Variants in DOCK10 observed in about 807,000 individuals in gnomAD.
The protein encoded by DOCK10 is dedicator of cytokinesis protein 10.
A neutral mutation model predicts 280.1 loss-of-function variants in DOCK10; 145 were observed. The ratio of observed to expected loss-of-function variants is 0.52; its 90% CI spans 0.45 to 0.59. The LOEUF (loss-of-function observed/expected upper bound fraction) is 0.59, where lower values mean the gene tolerates loss of function less well. Ranked by LOEUF, DOCK10 falls within the 20% of genes least tolerant of loss-of-function variation. DOCK10 has a pLI of 0.00. For synonymous variants in DOCK10, 915 were observed against 942.2 expected (o/e 0.97, Z 0.53); for missense variants, 2,368 against 2,651.7 (o/e 0.89, Z 2.35).
intron 47 of DOCK10, among the ~76,000 whole-genome samples, chr2:224,791,449 G>A (rs1439457883): frequency 6.6e-6 from 1 of 151,310 alleles, no homozygotes; most frequent in Non-Finnish European, 1.5e-5. Context: ...AGTTTGCTTT[G>A]GTCATTTGGT....
chr2:224,884,585 T>C (rs1358934590), intron 7 of DOCK10, among the ~76,000 whole-genome samples: 1 of 152,238 alleles, frequency 6.6e-6, no homozygotes, highest in Non-Finnish European at 1.5e-5. Context: ...GGAATTATTC[T>C]GCTTCCCTTT....
At chr2:224,817,484 A>G (rs1694203315) in intron 29 of DOCK10, among the ~76,000 whole-genome samples, 1 of 152,250 alleles carries the variant, frequency 6.6e-6, no homozygotes, top group Non-Finnish European at 1.5e-5. Flanking sequence ...TTTTAGAATT[A>G]TATCTTGTGG....
chr2:224,807,890 G>A lies in DOCK10; in HGVS notation c.3585+21C>T, dbSNP rs755231094. 24 of 1,604,370 alleles carry A rather than the reference G, an allele frequency of 1.5e-5. No homozygotes were observed. In the South Asian group the frequency reaches 2.7e-4, roughly 18 times the overall value. On this transcript the variant is annotated intron_variant, in intron 32 of 55. Coordinates refer to ENST00000258390, the MANE Select transcript of DOCK10 (RefSeq NM_014689.3). ...AGCCATTAAATGGTGTTTAGGGAAGGGAGAAAGGAAGATCACTTACTGGCT... is the reference window on the plus strand; with the variant it reads ...AGCCATTAAATGGTGTTTAGGGAAGAGAGAAAGGAAGATCACTTACTGGCT...
At chr2:224,935,669 C>T (rs1702644175) in intron 1 of DOCK10, among the ~76,000 whole-genome samples, 1 of 152,024 alleles carries the variant, frequency 6.6e-6, no homozygotes, top group South Asian at 2.1e-4. Flanking sequence ...TTTTTAAACC[C>T]CTGGAAGAGC....
At chr2:225,012,066 A>G (rs1236675072) in intron 1 of DOCK10, among the ~76,000 whole-genome samples, 1 of 152,148 alleles carries the variant, frequency 6.6e-6, no homozygotes, top group Non-Finnish European at 1.5e-5. Context: ...TATTATGCAT[A>G]TCATGTCTCC....
Position 224,797,045 on chromosome 2 carries a change from T to G in DOCK10, c.4746A>C (p.Glu1582Asp). The G allele has an allele frequency of 1.1e-5, 17 of 1,613,734 alleles. No homozygotes were observed. Among genetic ancestry groups the G allele is most frequent in the Non-Finnish European group, 1.4e-5 (16 of 1,179,760 alleles). Residue 1582 changes from glutamate to aspartate, a missense_variant, in exon 43 of 56, where the codon GAA becomes GAC. Glu to Asp is a conservative substitution (Grantham distance 45). Coordinates refer to ENST00000258390, the MANE Select transcript of DOCK10 (RefSeq NM_014689.3). ...TGAAAAAGTACAGAAGGGCTGAGGC[T>G]TCTGTCTGAGTTGACCGTGACCTGT... ...CNHRSRSTQT[E>D]ASALLYFFMR...
intron 1 of DOCK10, chr2:224,982,239 C>A: frequency 1.6e-6 from 2 of 1,231,934 alleles, no homozygotes; most frequent in Non-Finnish European, 2.0e-6. Flanking sequence ...CTATTCATTT[C>A]ATCGTCACTT....
chr2:224,960,703 T>C (rs868478677), intron 1 of DOCK10, among the ~76,000 whole-genome samples: 2 of 151,352 alleles, frequency 1.3e-5, no homozygotes, highest in South Asian at 2.1e-4. Flanking sequence ...TTATCCCTTA[T>C]GTGCACAATG....
intron 1 of DOCK10, among the ~76,000 whole-genome samples, chr2:225,004,157 G>GA (rs529946242): frequency 1.2e-3 from 189 of 152,246 alleles, no homozygotes; most frequent in African/African-American, 4.4e-3. Context: ...ACCTTATTTG[G>GA]AAAAAGGCTC....
At chr2:224,862,027 A>T (rs1697534994) in intron 14 of DOCK10, 2 of 152,298 alleles carry the variant, frequency 1.3e-5, no homozygotes, top group Admixed American at 1.3e-4. Context: ...TGATGAGGAC[A>T]ATCATAATTG....
At chr2:224,879,939 G>C (rs1325917789) in intron 7 of DOCK10, among the ~76,000 whole-genome samples, 1 of 152,116 alleles carries the variant, frequency 6.6e-6, no homozygotes, top group African/African-American at 2.4e-5. Flanking sequence ...TGATGAATTT[G>C]ATGCTGCAAA....
intron 3 of DOCK10, among the ~76,000 whole-genome samples, chr2:224,907,759 G>A (rs72972674): frequency 0.1 from 15,137 of 151,802 alleles, 891 homozygotes; most frequent in Non-Finnish European, 0.13. Context: ...TCTCCTGGAG[G>A]GTTTAATATT....
At chr2:224,986,002 T>C (rs1222814594) in intron 1 of DOCK10, among the ~76,000 whole-genome samples, 1 of 152,244 alleles carries the variant, frequency 6.6e-6, no homozygotes, top group Non-Finnish European at 1.5e-5. Context: ...ATCTAATCTA[T>C]TGCAAAATAC....
At chr2:224,977,826 G>A (rs2126237381) in intron 1 of DOCK10, among the ~76,000 whole-genome samples, 1 of 152,250 alleles carries the variant, frequency 6.6e-6, no homozygotes, top group Admixed American at 6.5e-5. Flanking sequence ...CTACAATTAT[G>A]CCAGCCCAAA....
chr2:224,853,357 G>C (rs1208977178), intron 16 of DOCK10, among the ~76,000 whole-genome samples: 1 of 151,990 alleles, frequency 6.6e-6, no homozygotes, highest in Admixed American at 6.6e-5. Context: ...TCTTTTAGAC[G>C]GATTTATAAC....
intron 3 of DOCK10, among the ~76,000 whole-genome samples, chr2:224,905,235 T>C (rs1700533092): frequency 1.5e-5 from 1 of 65,822 alleles, no homozygotes; most frequent in Non-Finnish European, 2.8e-5. Context: ...TATGGAACTA[T>C]TTTTTTTTTT....
At position 224,996,763 on chromosome 2, in the gene DOCK10, G is replaced by C. The variant is rs76740479; in HGVS notation, c.123+45489C>G. Among the ~76,000 whole-genome samples the C allele has an allele frequency of 8.1e-3, 1,239 of 152,274 alleles. 16 individuals are homozygous for C. Among genetic ancestry groups the C allele is most frequent in the African/African-American group, 0.029 (1,197 of 41,540 alleles). On this transcript the variant is annotated intron_variant, in intron 1 of 55. Transcript: ENST00000258390. ...AGTGAAGAAGCACTGAGCAGCTTTC[G>C]AACTTGACTCTGCAGGCAGGTTGGC...
chr2:225,024,271 G>A (rs574605560), intron 1 of DOCK10, among the ~76,000 whole-genome samples: 1 of 152,188 alleles, frequency 6.6e-6, no homozygotes, highest in East Asian at 1.9e-4. Flanking sequence ...TAACATTTAT[G>A]GATTACATAA....
At chr2:224,775,563 C>T (rs1690791828) in intron 51 of DOCK10, among the ~76,000 whole-genome samples, 1 of 152,114 alleles carries the variant, frequency 6.6e-6, no homozygotes, top group African/African-American at 2.4e-5. Context: ...GCAACCTCCC[C>T]CTCCTGGGTT....
Sources: gnomAD v4.1 joint callset for allele counts (sites outside exome capture counted in the v4.1 genomes callset) on GRCh38, gnomAD v4.1.1 for gene constraint, MANE v1.5 for transcripts, NCBI Gene and HGNC (gene_info 2026-07-23, HGNC 2026-07-21) for gene names.